DSCAM: variants seen among roughly 807,000 people sequenced by gnomAD.
DSCAM encodes DS cell adhesion molecule.
A neutral mutation model predicts 217.7 loss-of-function variants in DSCAM; 47 were observed. The observed-to-expected ratio is 0.22, with a 90% CI of 0.17 to 0.28. The LOEUF (loss-of-function observed/expected upper bound fraction) is 0.28. Among genes scored for constraint, DSCAM ranks in the 10% least tolerant of loss-of-function variants. The pLI, the probability that DSCAM is intolerant of heterozygous loss-of-function variation, is 1.00. For synonymous variants in DSCAM, 1,056 were observed against 1,015.3 expected (o/e 1.04, Z -0.76); for missense variants, 2,080 against 2,618.3 (o/e 0.79, Z 4.49).
intron 1 of DSCAM, among the ~76,000 whole-genome samples, chr21:40,761,782 A>G (rs532440277): frequency 6.6e-6 from 1 of 152,346 alleles, no homozygotes; most frequent in East Asian, 1.9e-4. Flanking sequence ...GTTCATTACT[A>G]GAGAAGTTTC....
At chr21:40,083,545 C>A (rs1025401128) in intron 24 of DSCAM, among the ~76,000 whole-genome samples, 2 of 152,224 alleles carry the variant, frequency 1.3e-5, no homozygotes, top group African/African-American at 4.8e-5. Flanking sequence ...TCTTTTATTA[C>A]TTTCTAAGTC....
chr21:40,619,279 G>A (rs1444319326), intron 3 of DSCAM, among the ~76,000 whole-genome samples: 1 of 151,910 alleles, frequency 6.6e-6, no homozygotes, highest in Admixed American at 6.6e-5. Flanking sequence ...TCTAAAATAA[G>A]AATAAAATAT....
At chr21:40,690,451 T>C (rs1289080451) in intron 3 of DSCAM, among the ~76,000 whole-genome samples, 1 of 152,244 alleles carries the variant, frequency 6.6e-6, no homozygotes, top group East Asian at 1.9e-4. Flanking sequence ...AGCTTCTTAC[T>C]GATGTATTCC....
intron 1 of DSCAM, among the ~76,000 whole-genome samples, chr21:40,805,890 A>G (rs989646997): frequency 6.6e-6 from 1 of 151,822 alleles, no homozygotes; most frequent in Non-Finnish European, 1.5e-5. Flanking sequence ...TTTATATTTT[A>G]GTAGAGACAG....
In DSCAM at chr21:40,339,285, A is replaced by C. The variant is rs780994574; in HGVS notation, c.1341T>G (p.Ile447Met). ...TITWTLDDDP[I>M]LKGGSHRISQ... ...TGATGCGGTGACTGCCACCCTTGAG[A>C]ATCGGGTCATCGTCCAGGGTCCACG... The change falls in exon 7 of 33, where the codon ATT (isoleucine) becomes ATG (methionine). Residue 447 changes from isoleucine (I) to methionine (M), a missense_variant. Physicochemically the swap from Ile to Met is conservative, Grantham distance 10. Around this residue, in one of 5 missense-constraint regions of DSCAM, gnomAD observed 568 missense variants for 678.1 expected, o/e 0.84. Coordinates refer to ENST00000400454, the MANE Select transcript of DSCAM (RefSeq NM_001389.5). The C allele has an allele frequency of 2.5e-6, 4 of 1,614,128 alleles. No homozygotes were observed. The highest frequency in any genetic ancestry group is 3.4e-6 in the Non-Finnish European group (4 of 1,180,024).
chr21:40,592,165 A>G (rs2076988771), intron 3 of DSCAM, among the ~76,000 whole-genome samples: 1 of 152,160 alleles, frequency 6.6e-6, no homozygotes, highest in African/African-American at 2.4e-5. Flanking sequence ...TTTCTTTTTC[A>G]ATCTGACTTT....
intron 32 of DSCAM, among the ~76,000 whole-genome samples, chr21:40,022,626 G>A (rs2088294444): frequency 6.6e-6 from 1 of 152,190 alleles, no homozygotes; most frequent in Admixed American, 6.5e-5. Context: ...GCTGAGGCAG[G>A]AGCTGATTCC....
intron 16 of DSCAM, among the ~76,000 whole-genome samples, chr21:40,147,308 T>C (rs974658711): frequency 6.6e-6 from 1 of 152,172 alleles, no homozygotes; most frequent in African/African-American, 2.4e-5. Context: ...GTTCCTCCAG[T>C]TTGGGGGGAT....
chr21:40,209,985 C>A (rs746302517), intron 11 of DSCAM, among the ~76,000 whole-genome samples: 1 of 152,186 alleles, frequency 6.6e-6, no homozygotes, highest in Non-Finnish European at 1.5e-5. Flanking sequence ...AAAGTTAAGA[C>A]GTTTTATAAT....
rs149866589 is a variant in DSCAM at position 40,667,935 on chromosome 21, G to A, written c.508+24875C>T. Among the ~76,000 whole-genome samples, 257 of 152,172 alleles carry A rather than the reference G, an allele frequency of 1.7e-3. 2 individuals carry two copies. Among genetic ancestry groups the A allele is most frequent in the African/African-American group, 6.0e-3 (251 of 41,518 alleles). ...ACTCTGAATTTAATTTCTTTGGTTT[G>A]GTTTTCAATTATCTTATCTATCATA... On this transcript the variant is annotated intron_variant, in intron 3 of 32. Transcript: ENST00000400454.
intron 3 of DSCAM, among the ~76,000 whole-genome samples, chr21:40,442,052 C>A (rs1405010475): frequency 6.6e-6 from 1 of 152,118 alleles, no homozygotes; most frequent in African/African-American, 2.4e-5. Context: ...TGAAGACAAC[C>A]AAACAATTAC....
intron 30 of DSCAM, among the ~76,000 whole-genome samples, chr21:40,045,775 G>A (rs1001220247): frequency 3.3e-5 from 5 of 152,184 alleles, no homozygotes; most frequent in Admixed American, 3.3e-4. Context: ...GGGCTCTCAC[G>A]AAGTTTCAAA....
intron 29 of DSCAM, 151 bp from the exon 30 acceptor site, chr21:40,052,258 A>T: frequency 1.1e-5 from 10 of 899,928 alleles, no homozygotes; most frequent in Non-Finnish European, 1.5e-5. Flanking sequence ...TGAAAATTCA[A>T]GCACTGAATT....
intron 11 of DSCAM, among the ~76,000 whole-genome samples, chr21:40,198,503 C>G (rs761795391): frequency 2.6e-5 from 4 of 152,184 alleles, no homozygotes; most frequent in Non-Finnish European, 4.4e-5. Context: ...GAATAGGTGA[C>G]CTTCAGTGAC....
chr21:40,364,938 T>C (rs921892159), intron 4 of DSCAM, among the ~76,000 whole-genome samples: 2 of 150,246 alleles, frequency 1.3e-5, no homozygotes, highest in African/African-American at 4.9e-5. Context: ...TCAAGAATTA[T>C]AAAAGAATTT....
intron 3 of DSCAM, among the ~76,000 whole-genome samples, chr21:40,620,028 G>GAGAGAGAAAAAAGAAAAAGAAAGAA (rs2089462857): frequency 7.6e-5 from 8 of 104,728 alleles, no homozygotes; most frequent in Non-Finnish European, 1.3e-4. Context: ...AAGAAAGAAA[G>GAGAGAGAAAAAAGAAAAAGAAAGAA]AGAGAGAGAA....
chr21:40,272,846 G>C (rs868532333), intron 11 of DSCAM, among the ~76,000 whole-genome samples: 22 of 152,094 alleles, frequency 1.4e-4, no homozygotes, highest in African/African-American at 5.3e-4. Context: ...ATTTAGACCA[G>C]TAAACTCTCC....
At chr21:40,832,304 A>T (rs998088337) in intron 1 of DSCAM, among the ~76,000 whole-genome samples, 5 of 152,208 alleles carry the variant, frequency 3.3e-5, no homozygotes. Flanking sequence ...AAACATAACG[A>T]GTGCGAATCA....
intron 3 of DSCAM, among the ~76,000 whole-genome samples, chr21:40,467,170 C>T (rs1006470512): frequency 3.3e-5 from 5 of 152,138 alleles, no homozygotes; most frequent in Non-Finnish European, 7.4e-5. Flanking sequence ...ATAGAAACAA[C>T]AAATTTAAAT....
Sources: allele counts gnomAD v4.1 joint callset (sites outside exome capture counted in the v4.1 genomes callset), GRCh38; gene constraint gnomAD v4.1.1; regional missense constraint gnomAD v4.1.1; transcripts MANE v1.5; gene names NCBI Gene and HGNC (gene_info 2026-07-23, HGNC 2026-07-21).